Variants in CFAP54 observed in about 807,000 individuals in gnomAD.
CFAP54 encodes the protein cilia and flagella associated protein 54, also known as cilia- and flagella-associated protein 54.
A neutral mutation model predicts 370.4 loss-of-function variants in CFAP54; 290 were observed. The ratio of observed to expected loss-of-function variants is 0.78; its 90% CI spans 0.71 to 0.86. The LOEUF is 0.86. Ranked by LOEUF, CFAP54 falls within the 40% of genes least tolerant of loss-of-function variation. CFAP54 has a pLI of 0.00. For missense variants in CFAP54, 3,399 were observed against 3,528.7 expected, an observed-to-expected ratio of 0.96 and a Z score of 0.93; for synonymous variants, 1,206 against 1,236.5, an observed-to-expected ratio of 0.98 and a Z score of 0.52.
intron 27 of CFAP54, 38 bp from the exon 28 acceptor site, chr12:96,623,729 C>A: frequency 9.5e-7 from 1 of 1,057,060 alleles, no homozygotes; most frequent in African/African-American, 1.6e-5. Flanking sequence ...TGTTGCAACA[C>A]GTTAAAGTAC....
chr12:96,704,017 C>T (rs1957519135), intron 46 of CFAP54, among the ~76,000 whole-genome samples: 1 of 152,150 alleles, frequency 6.6e-6, no homozygotes, highest in Non-Finnish European at 1.5e-5. Flanking sequence ...TATTAGGCTA[C>T]ATTCATAGGA....
At chr12:96,721,730 T>C (rs1340840818) in intron 50 of CFAP54, among the ~76,000 whole-genome samples, 1 of 152,208 alleles carries the variant, frequency 6.6e-6, no homozygotes, top group Admixed American at 6.5e-5. Context: ...CTGGCAAGTA[T>C]CAGTGGCCCA....
intron 8 of CFAP54, 76 bp downstream of exon 8, chr12:96,522,265 C>A: frequency 2.1e-6 from 2 of 961,600 alleles, no homozygotes; most frequent in Non-Finnish European, 3.0e-6. Flanking sequence ...GTCTTTCAAG[C>A]CTAGTCACTC....
intron 26 of CFAP54, among the ~76,000 whole-genome samples, chr12:96,613,791 C>G (rs1465442517): frequency 6.6e-6 from 1 of 152,122 alleles, no homozygotes; most frequent in Non-Finnish European, 1.5e-5. Flanking sequence ...AATTCCTGGA[C>G]ACATAGACCC....
chr12:96,549,090 G>A (rs1318231524), intron 15 of CFAP54, among the ~76,000 whole-genome samples: 6 of 152,114 alleles, frequency 3.9e-5, no homozygotes, highest in African/African-American at 1.4e-4. Flanking sequence ...TCCTGACCTC[G>A]TGATCTGCCC....
chr12:96,829,345 TAACCCC>T (rs1959162328), intron 66 of CFAP54, among the ~76,000 whole-genome samples: 1 of 152,156 alleles, frequency 6.6e-6, no homozygotes, highest in South Asian at 2.1e-4. Flanking sequence ...ATTCACAGAA[TAACCCC>T]TATTAATATT....
intron 39 of CFAP54, 32 bp from the exon 40 acceptor site, chr12:96,679,568 A>G (rs1287482187): frequency 1.9e-6 from 3 of 1,592,008 alleles, no homozygotes; most frequent in Non-Finnish European, 2.6e-6. Context: ...GCAGCATTTC[A>G]TCCCCAATAT....
At chr12:96,608,459 C>CTTTTTTTT (rs5800258) in intron 26 of CFAP54, among the ~76,000 whole-genome samples, 2 of 107,000 alleles carry the variant, frequency 1.9e-5, no homozygotes, top group Non-Finnish European at 1.8e-5. Flanking sequence ...CATAGTAGGA[C>CTTTTTTTT]TTTTTTTTTT....
At chr12:96,741,923 A>G (rs141311938) in intron 51 of CFAP54, among the ~76,000 whole-genome samples, 1 of 152,232 alleles carries the variant, frequency 6.6e-6, no homozygotes, top group African/African-American at 2.4e-5. Context: ...TAGGCAAGAT[A>G]GTTAACCTTC....
chr12:96,716,730 G>A (rs1164798845), intron 48 of CFAP54, among the ~76,000 whole-genome samples: 1 of 152,204 alleles, frequency 6.6e-6, no homozygotes, highest in Admixed American at 6.5e-5. Flanking sequence ...GAAAGCCATA[G>A]GGTGGCACAT....
intron 9 of CFAP54, among the ~76,000 whole-genome samples, chr12:96,530,821 A>T (rs1955434326): frequency 1.3e-5 from 2 of 152,230 alleles, no homozygotes; most frequent in African/African-American, 4.8e-5. Flanking sequence ...CAGTTTCTGG[A>T]CATCCTTGAC....
intron 55 of CFAP54, among the ~76,000 whole-genome samples, chr12:96,747,476 A>T (rs1342554101): frequency 6.6e-6 from 1 of 152,198 alleles, no homozygotes; most frequent in Non-Finnish European, 1.5e-5. Context: ...CAAGGTACAA[A>T]CCTAATGAAA....
In CFAP54 at chr12:96,650,059, G is replaced by T. The variant is rs773076205; in HGVS notation, c.4859G>T (p.Cys1620Phe). 6.2e-7 allele frequency: 1 copy of T among 1,609,520 alleles called. No individual in the cohort carries two copies. Among genetic ancestry groups the T allele is most frequent in the Non-Finnish European group, 8.5e-7 (1 of 1,178,482 alleles). Residue 1620 changes from cysteine (C) to phenylalanine (F), a missense_variant, in exon 35 of 68, where the codon TGC becomes TTC. Physicochemically the swap from Cys to Phe is radical, Grantham distance 205 (BLOSUM62 -2). Around this residue, in one of 3 missense-constraint regions of CFAP54, gnomAD observed 2,796 missense variants for 2,869.7 expected, o/e 0.97. Transcript: ENST00000524981. ...MDHFMKIFLYCRRAMVLAHRG... is the reference protein window; with the variant it reads ...MDHFMKIFLYFRRAMVLAHRG... ...CATTTTATGAAAATCTTTTTATACT[G>T]CAGGAGAGCAATGGTAATGCAATCT...
chr12:96,658,675 G>A (rs1956953567), intron 38 of CFAP54, among the ~76,000 whole-genome samples: 3 of 152,052 alleles, frequency 2.0e-5, no homozygotes, highest in South Asian at 4.1e-4. Flanking sequence ...ACCCAGGCTG[G>A]AGTGCAGTGG....
At chr12:96,679,507 A>G (rs979480720) in intron 39 of CFAP54, 93 bp from the exon 40 acceptor site, 6 of 1,369,074 alleles carry the variant, frequency 4.4e-6, no homozygotes, top group Non-Finnish European at 4.9e-6. Context: ...TTAGGTTGGG[A>G]CCAAGAAATT....
At chr12:96,666,895 G>A (rs1957087275) in intron 39 of CFAP54, among the ~76,000 whole-genome samples, 1 of 152,138 alleles carries the variant, frequency 6.6e-6, no homozygotes, top group Non-Finnish European at 1.5e-5. Flanking sequence ...CTGAGGCAAG[G>A]CAAGTCCTTC....
rs1452385681 is a variant in CFAP54 at position 96,506,977 on chromosome 12, A to G, written c.617A>G (p.Asp206Gly). 2 of 1,535,880 alleles carry G rather than the reference A, an allele frequency of 1.3e-6. No homozygotes were observed. The highest frequency in any genetic ancestry group is 1.2e-5 in the South Asian group (1 of 83,970). Reference protein sequence around the residue: ...KNMCNYQLVCDSDENLKNKES... With the variant: ...KNMCNYQLVCGSDENLKNKES... ...ATGTGCAACTACCAGCTGGTCTGCG[A>G]CAGTGATGAAAACCTGAAGAATAAA... The change falls in exon 4 of 68, where the codon GAC (aspartate) becomes GGC (glycine). Residue 206 changes from aspartate to glycine, a missense_variant. Physicochemically the swap from Asp to Gly is moderately conservative, Grantham distance 94. Transcript: ENST00000524981.
chr12:96,664,613 C>T (rs1344759895), intron 39 of CFAP54, among the ~76,000 whole-genome samples: 3 of 114,914 alleles, frequency 2.6e-5, no homozygotes, highest in Admixed American at 2.0e-4. Context: ...TGTGCCTTAC[C>T]AAGAACGTAT....
At chr12:96,630,260 C>A in intron 31 of CFAP54, 56 bp downstream of exon 31, 1 of 902,430 alleles carries the variant, frequency 1.1e-6, no homozygotes, top group Non-Finnish European at 1.7e-6. Context: ...ATTCATGTAT[C>A]TAGAGATGAT....
Sources: gnomAD v4.1 joint callset for allele counts (sites outside exome capture counted in the v4.1 genomes callset) on GRCh38, gnomAD v4.1.1 for gene constraint, gnomAD v4.1.1 regional missense constraint, MANE v1.5 for transcripts, NCBI Gene and HGNC (gene_info 2026-07-23, HGNC 2026-07-21) for gene names.